RFX3: variants seen among roughly 807,000 people sequenced by gnomAD.
The protein encoded by RFX3 is regulatory factor X3.
In RFX3, 14 loss-of-function variants were observed where a neutral mutation model predicts 98.6. The ratio of observed to expected loss-of-function variants is 0.14; its 90% confidence interval spans 0.09 to 0.22. The LOEUF (loss-of-function observed/expected upper bound fraction) is 0.22, where lower values mean the gene tolerates loss of function less well. RFX3 is among the 10% of genes least tolerant of loss of function. RFX3 has a pLI of 1.00. For synonymous variants in RFX3, 383 were observed against 328.4 expected, an observed-to-expected ratio of 1.17 and a Z score of -1.80; for missense variants, 639 against 926.9, an observed-to-expected ratio of 0.69 and a Z score of 4.03.
intron 1 of RFX3, chr9:3,453,523 C>T (rs142512550): frequency 0.045 from 6,804 of 151,572 alleles, 531 homozygotes; most frequent in African/African-American, 0.15. Context: ...CAGCATGGCC[C>T]ACATGGTGAA....
chr9:3,239,655 A>C (rs1411133667), intron 15 of RFX3, among the ~76,000 whole-genome samples: 4 of 152,232 alleles, frequency 2.6e-5, no homozygotes, highest in Non-Finnish European at 5.9e-5. Context: ...TTTGAAGAGA[A>C]AAGTAGCCTC....
chr9:3,353,839 G>A (rs372450298), intron 2 of RFX3, among the ~76,000 whole-genome samples: 25 of 152,070 alleles, frequency 1.6e-4, no homozygotes, highest in East Asian at 9.6e-4. Flanking sequence ...GTAATCAGGA[G>A]AAAAATCAAT....
intron 6 of RFX3, among the ~76,000 whole-genome samples, chr9:3,291,529 G>A (rs1001254116): frequency 6.6e-6 from 1 of 152,074 alleles, no homozygotes; most frequent in African/African-American, 2.4e-5. Context: ...TGTTTCTCCA[G>A]AACTATCCAC....
chr9:3,516,518 T>C (rs979493052), intron 1 of RFX3, among the ~76,000 whole-genome samples: 10 of 152,206 alleles, frequency 6.6e-5, no homozygotes, highest in Non-Finnish European at 1.2e-4. Flanking sequence ...GTGTGGAGGA[T>C]AGCAATGCTT....
chr9:3,506,258 C>T (rs1817084760), intron 1 of RFX3, among the ~76,000 whole-genome samples: 1 of 150,726 alleles, frequency 6.6e-6, no homozygotes, highest in African/African-American at 2.4e-5. Flanking sequence ...CTGTAGCAGA[C>T]ATAAAGGCAG....
intron 4 of RFX3, among the ~76,000 whole-genome samples, chr9:3,317,755 T>A (rs200963882): frequency 4.6e-4 from 70 of 152,162 alleles, no homozygotes; most frequent in African/African-American, 1.5e-3. Context: ...ATGCAGCCAA[T>A]AGACACATGA....
chr9:3,316,151 G>C (rs572780730), intron 4 of RFX3, among the ~76,000 whole-genome samples: 2 of 152,188 alleles, frequency 1.3e-5, no homozygotes, highest in African/African-American at 4.8e-5. Context: ...ACTGAATCCA[G>C]CAGTACATCT....
chr9:3,233,454 G>A (rs1818743813), intron 15 of RFX3, among the ~76,000 whole-genome samples: 1 of 152,218 alleles, frequency 6.6e-6, no homozygotes, highest in African/African-American at 2.4e-5. Flanking sequence ...AGGCAGGCAA[G>A]CCTTGTTCTG....
At chr9:3,429,928 G>T (rs1246800129) in intron 1 of RFX3, among the ~76,000 whole-genome samples, 3 of 152,178 alleles carry the variant, frequency 2.0e-5, no homozygotes, top group African/African-American at 7.2e-5. Context: ...CGGCCCACTT[G>T]CAGAGCCAAG....
chr9:3,476,251 GT>G (rs897985975), intron 1 of RFX3, among the ~76,000 whole-genome samples: 12 of 151,194 alleles, frequency 7.9e-5, no homozygotes, highest in African/African-American at 2.2e-4. Flanking sequence ...AACTCTTGTT[GT>G]TTTATGTTCT....
Position 3,268,298 on chromosome 9 carries a change from C to T in RFX3, c.1358-1993G>A, listed in dbSNP as rs183425810. The stretch of plus-strand genomic sequence containing the variant: ...TGAAGTGCTAGTAGCCAGGAAAATA[C>T]AATTTTTAAAAATAAAATTAAGTTT... On this transcript the variant is annotated intron_variant, in intron 11 of 16. Transcript: ENST00000617270. 5.1e-3 allele frequency among the ~76,000 whole-genome samples: 780 copies of T among 151,730 alleles called. 2 individuals are homozygous for T. Among genetic ancestry groups the T allele is most frequent in the African/African-American group, 0.017 (725 of 41,432 alleles).
chr9:3,470,627 C>G (rs931629910), intron 1 of RFX3, among the ~76,000 whole-genome samples: 1 of 152,154 alleles, frequency 6.6e-6, no homozygotes, highest in African/African-American at 2.4e-5. Flanking sequence ...CGCACCGGGC[C>G]AAAGCCCAAA....
intron 15 of RFX3, chr9:3,247,663 CATA>C (rs1313418619): frequency 6.3e-6 from 9 of 1,422,570 alleles, no homozygotes; most frequent in Non-Finnish European, 8.3e-6. Context: ...CTACAAAATA[CATA>C]TTTAATCCTT....
chr9:3,411,569 G>A (rs1275255452), intron 1 of RFX3, among the ~76,000 whole-genome samples: 1 of 151,738 alleles, frequency 6.6e-6, no homozygotes, highest in Non-Finnish European at 1.5e-5. Context: ...TCCGCCTCCT[G>A]GGTTCAAGTG....
At chr9:3,314,704 A>G (rs560548740) in intron 4 of RFX3, among the ~76,000 whole-genome samples, 1 of 152,314 alleles carries the variant, frequency 6.6e-6, no homozygotes, top group South Asian at 2.1e-4. Context: ...GAAAACAAAA[A>G]AAAAAGCAGG....
At chr9:3,505,586 C>T (rs1817005270) in intron 1 of RFX3, among the ~76,000 whole-genome samples, 1 of 148,872 alleles carries the variant, frequency 6.7e-6, no homozygotes, top group Non-Finnish European at 1.5e-5. Flanking sequence ...AAAATTAGGA[C>T]TCTTTAACAG....
intron 1 of RFX3, among the ~76,000 whole-genome samples, chr9:3,396,117 C>T (rs1038811814): frequency 4.0e-5 from 6 of 151,686 alleles, no homozygotes; most frequent in Admixed American, 3.9e-4. Context: ...TATACGTGTG[C>T]CATGTTGGTG....
chr9:3,282,946 A>G (rs1305379716), intron 7 of RFX3, among the ~76,000 whole-genome samples: 2 of 151,822 alleles, frequency 1.3e-5, no homozygotes, highest in African/African-American at 4.8e-5. Flanking sequence ...GTGTTTACTG[A>G]AAAATATTTT....
chr9:3,451,117 G>C (rs1460841167), intron 1 of RFX3, among the ~76,000 whole-genome samples: 1 of 152,192 alleles, frequency 6.6e-6, no homozygotes, highest in African/African-American at 2.4e-5. Flanking sequence ...ACACAATGAT[G>C]AAAGTGTGTT....
Sources: gnomAD v4.1 joint callset for allele counts (sites outside exome capture counted in the v4.1 genomes callset) on GRCh38, gnomAD v4.1.1 for gene constraint, MANE v1.5 for transcripts, NCBI Gene and HGNC (gene_info 2026-07-23, HGNC 2026-07-21) for gene names.